Variants in MAP2 observed in about 807,000 individuals in gnomAD.
MAP2 encodes the protein microtubule associated protein 2, also known as microtubule-associated protein 2.
A neutral mutation model predicts 137.6 loss-of-function variants in MAP2; 14 were observed. The observed-to-expected ratio is 0.10, with a 90% CI of 0.07 to 0.16. The LOEUF is 0.16. MAP2 is among the 10% of genes least tolerant of loss of function. MAP2 has a pLI of 1.00. For missense variants in MAP2, 2,088 were observed against 2,191.5 expected, an observed-to-expected ratio of 0.95 and a Z score of 0.94; for synonymous variants, 786 against 782.3, an observed-to-expected ratio of 1.00 and a Z score of -0.08.
At chr2:209,441,428 T>C (rs952728433) in intron 1 of MAP2, among the ~76,000 whole-genome samples, 7 of 151,600 alleles carry the variant, frequency 4.6e-5, no homozygotes, top group Non-Finnish European at 7.4e-5. Flanking sequence ...TTAAATTCTC[T>C]GAGAATGTCT....
intron 2 of MAP2, among the ~76,000 whole-genome samples, chr2:209,578,675 C>T (rs371712373): frequency 2.4e-4 from 36 of 152,202 alleles, no homozygotes; most frequent in Middle Eastern, 3.4e-3. Context: ...CCCTTTTCCC[C>T]AGGAAATAAA....
intron 1 of MAP2, among the ~76,000 whole-genome samples, chr2:209,433,143 C>T (rs1319045797): frequency 6.6e-6 from 1 of 152,092 alleles, no homozygotes; most frequent in Non-Finnish European, 1.5e-5. Flanking sequence ...AATTCCTGTC[C>T]TCATGGAGCT....
chr2:209,631,005 CAAAAAAAAAAAAAAAAA>C lies in MAP2; in HGVS notation c.-30+5890_-30+5906del, dbSNP rs776266690. Among the ~76,000 whole-genome samples the C allele has an allele frequency of 4.5e-4, 19 of 42,140 alleles. 1 individual carries two copies. Among genetic ancestry groups the C allele is most frequent in the Non-Finnish European group, 6.8e-4 (15 of 22,072 alleles). 27.6% of individuals were successfully genotyped at this position (42,140 alleles called of 152,430 possible). The stretch of plus-strand genomic sequence containing the variant: ...TTTCAAGATTGAAGGGAGCTACAAG[CAAAAAAAAAAAAAAAAA>C]AAAAAAAAAAAAAGAGAGAGAGAGA... On this transcript the variant is annotated intron_variant, in intron 4 of 15. Transcript: ENST00000682079.
Position 209,731,698 on chromosome 2 carries a change from T to G in MAP2, c.*1301T>G, listed in dbSNP as rs2075797720. 6.6e-6 allele frequency: 1 copy of G among 152,606 alleles called. No individual in the cohort carries two copies. The highest frequency in any genetic ancestry group is 6.5e-5 in the Admixed American group (1 of 15,276). 9.5% of individuals were successfully genotyped at this position (152,606 alleles called of 1,614,324 possible). A position where few individuals can be genotyped will look rare whatever the true frequency, so the allele number is the denominator to read the frequency against. ...ATAGTTTGAAACATGTTTTCTCATTTTTCCAAATAGTATCTGTTTATTAAA... is the reference window on the plus strand; with the variant it reads ...ATAGTTTGAAACATGTTTTCTCATTGTTCCAAATAGTATCTGTTTATTAAA... On this transcript the variant is annotated 3_prime_UTR_variant, in exon 16 of 16. Transcript: ENST00000682079.
At chr2:209,608,935 T>G (rs1033145691) in intron 3 of MAP2, among the ~76,000 whole-genome samples, 3 of 152,040 alleles carry the variant, frequency 2.0e-5, no homozygotes, top group African/African-American at 7.2e-5. Flanking sequence ...ACAAAGCTCA[T>G]CTTAAATACC....
chr2:209,560,697 C>T (rs1036547855), intron 2 of MAP2, among the ~76,000 whole-genome samples: 5 of 151,916 alleles, frequency 3.3e-5, no homozygotes, highest in African/African-American at 1.2e-4. Flanking sequence ...TTCAGGCTAT[C>T]TTTAGATTTC....
At chr2:209,548,615 T>G (rs1305694849) in intron 2 of MAP2, among the ~76,000 whole-genome samples, 1 of 152,186 alleles carries the variant, frequency 6.6e-6, no homozygotes, top group Non-Finnish European at 1.5e-5. Flanking sequence ...AGTTTGGCTG[T>G]GTCCCTACCC....
intron 11 of MAP2, 64 bp from the exon 12 acceptor site, chr2:209,705,516 A>G (rs1339159631): frequency 7.1e-7 from 1 of 1,411,386 alleles, no homozygotes; most frequent in South Asian, 1.5e-5. Context: ...AGCAAAATCA[A>G]TATCACTTCG....
At chr2:209,467,277 CCT>C (rs746405572) in intron 1 of MAP2, among the ~76,000 whole-genome samples, 5 of 152,056 alleles carry the variant, frequency 3.3e-5, no homozygotes, top group East Asian at 1.9e-4. Context: ...AGTTTCTACC[CCT>C]GTCATTTTGT....
chr2:209,591,508 TATC>T (rs57222999), intron 3 of MAP2, among the ~76,000 whole-genome samples: 8,934 of 152,256 alleles, frequency 0.059, 612 homozygotes, highest in South Asian at 0.23. Flanking sequence ...AAACAGTACT[TATC>T]ATAGAATAGG....
chr2:209,534,256 T>C (rs1347416716), intron 2 of MAP2, among the ~76,000 whole-genome samples: 3 of 152,212 alleles, frequency 2.0e-5, no homozygotes, highest in African/African-American at 7.2e-5. Flanking sequence ...TTACAACAAG[T>C]TGGTTACTGT....
At chr2:209,448,011 G>A (rs1319144403) in intron 1 of MAP2, among the ~76,000 whole-genome samples, 2 of 152,072 alleles carry the variant, frequency 1.3e-5, no homozygotes, top group African/African-American at 2.4e-5. Context: ...TATTTACTAT[G>A]TTTAGCAAGC....
chr2:209,630,871 C>T (rs531878779), intron 4 of MAP2, among the ~76,000 whole-genome samples: 1 of 151,572 alleles, frequency 6.6e-6, no homozygotes, highest in Non-Finnish European at 1.5e-5. Flanking sequence ...AACCCTATTA[C>T]TGATCAAGGG....
chr2:209,693,699 C>T lies in MAP2; in HGVS notation c.1529C>T (p.Ser510Leu). 2 of 1,613,356 alleles carry T rather than the reference C, an allele frequency of 1.2e-6. No individual in the cohort carries two copies. Among genetic ancestry groups the T allele is most frequent in the Non-Finnish European group, 1.7e-6 (2 of 1,179,866 alleles). ...AGTTTGGAGCAAGCAGTTACAGATTCAGCCATGACCTCTAAAACACTGGAG... is the reference window on the plus strand; with the variant it reads ...AGTTTGGAGCAAGCAGTTACAGATTTAGCCATGACCTCTAAAACACTGGAG... ...PVSLEQAVTD[S>L]AMTSKTLEKA... Residue 510 changes from serine to leucine, a missense_variant, in exon 8 of 16, where the codon TCA becomes TTA. Physicochemically the swap from Ser to Leu is moderately radical, Grantham distance 145. Transcript: ENST00000682079.
chr2:209,554,261 C>T (rs1410796270), intron 2 of MAP2, among the ~76,000 whole-genome samples: 1 of 152,132 alleles, frequency 6.6e-6, no homozygotes, highest in Non-Finnish European at 1.5e-5. Context: ...AGCCTGTAAC[C>T]CTTGGCAGCT....
intron 3 of MAP2, among the ~76,000 whole-genome samples, chr2:209,617,008 A>G (rs528807418): frequency 1.4e-5 from 2 of 147,352 alleles, no homozygotes; most frequent in Non-Finnish European, 2.9e-5. Context: ...CTTCCATTAA[A>G]CAAGGTAGAT....
chr2:209,599,272 T>C (rs1303995962), intron 3 of MAP2, among the ~76,000 whole-genome samples: 3 of 152,072 alleles, frequency 2.0e-5, no homozygotes, highest in Non-Finnish European at 4.4e-5. Context: ...GTTCATGTCC[T>C]TCGCCCACTT....
At chr2:209,666,465 A>C (rs2046346282) in intron 5 of MAP2, among the ~76,000 whole-genome samples, 1 of 152,126 alleles carries the variant, frequency 6.6e-6, no homozygotes. Context: ...GAATAACAAG[A>C]GGATAACGAG....
chr2:209,618,558 C>A (rs1475176705), intron 3 of MAP2, among the ~76,000 whole-genome samples: 2 of 152,116 alleles, frequency 1.3e-5, no homozygotes, highest in Admixed American at 1.3e-4. Context: ...ACCTGGGTAC[C>A]TGCATTAATT....
Sources: gnomAD v4.1 joint callset for allele counts (sites outside exome capture counted in the v4.1 genomes callset) on GRCh38, gnomAD v4.1.1 for gene constraint, MANE v1.5 for transcripts, NCBI Gene and HGNC (gene_info 2026-07-23, HGNC 2026-07-21) for gene names.